ATP2B4: variants seen among roughly 807,000 people sequenced by gnomAD.
ATP2B4 encodes the protein plasma membrane calcium-transporting ATPase 4.
A neutral mutation model predicts 110.3 loss-of-function variants in ATP2B4; 39 were observed. The observed-to-expected ratio is 0.35, with a 90% CI of 0.27 to 0.46. The LOEUF (loss-of-function observed/expected upper bound fraction) is 0.46. Ranked by LOEUF, ATP2B4 falls within the 20% of genes least tolerant of loss-of-function variation. The pLI is 1.00. For synonymous variants in ATP2B4, 538 were observed against 571.7 expected, an observed-to-expected ratio of 0.94 and a Z score of 0.84; for missense variants, 1,135 against 1,530.9, an observed-to-expected ratio of 0.74 and a Z score of 4.32.
chr1:203,712,994 AC>A (rs1465699628), intron 13 of ATP2B4, among the ~76,000 whole-genome samples, 170 bp from the exon 14 acceptor site: 1 of 152,096 alleles, frequency 6.6e-6, no homozygotes, highest in Non-Finnish European at 1.5e-5. Context: ...CCATGAATCT[AC>A]CCTTGGAGAC....
At chr1:203,672,433 G>A (rs1017085680) in intron 1 of ATP2B4, among the ~76,000 whole-genome samples, 7 of 147,846 alleles carry the variant, frequency 4.7e-5, no homozygotes, top group African/African-American at 1.5e-4. Flanking sequence ...GTCATTACAG[G>A]CACATAAATA....
chr1:203,661,064 C>T (rs1025611255), intron 1 of ATP2B4, among the ~76,000 whole-genome samples: 4 of 151,624 alleles, frequency 2.6e-5, no homozygotes, highest in African/African-American at 7.3e-5. Context: ...GAGCTGAGAT[C>T]GCGCCACTGC....
At chr1:203,729,419 C>A (rs1233926943) in intron 20 of ATP2B4, among the ~76,000 whole-genome samples, 1 of 151,700 alleles carries the variant, frequency 6.6e-6, no homozygotes, top group Non-Finnish European at 1.5e-5. Flanking sequence ...GTGGTGGGCG[C>A]CTGTAATCCC....
chr1:203,707,038 A>G lies in ATP2B4; in HGVS notation c.1129A>G (p.Ile377Val). 1 of 1,613,984 alleles carries G rather than the reference A, an allele frequency of 6.2e-7. No homozygotes were observed. The highest frequency in any genetic ancestry group is 8.5e-7 in the Non-Finnish European group (1 of 1,179,964). ...GCTCATGTCTGCTCTCACGGTTTTC[A>G]TCCTGATTCTATACTTTGTGATTGA... ...GLLMSALTVF[I>V]LILYFVIDNF... Residue 377 changes from isoleucine (I) to valine (V), a missense_variant, in exon 9 of 21, where the codon ATC becomes GTC. Physicochemically the swap from Ile to Val is conservative, Grantham distance 29. This residue lies in a region of ATP2B4 where 162 missense variants were observed against 210.5 expected (regional missense o/e 0.77). Coordinates refer to ENST00000357681, the MANE Select transcript of ATP2B4 (RefSeq NM_001684.5).
intron 1 of ATP2B4, among the ~76,000 whole-genome samples, chr1:203,644,709 G>C (rs1393974263): frequency 6.6e-6 from 1 of 152,156 alleles, no homozygotes; most frequent in African/African-American, 2.4e-5. Context: ...CTGGGCTTCA[G>C]TGACAGAGAC....
chr1:203,657,336 C>A, intron 1 of ATP2B4: 1 of 745,964 alleles, frequency 1.3e-6, no homozygotes, highest in South Asian at 1.5e-5. Context: ...CTTTCCTGTT[C>A]AAACAACTTT....
At chr1:203,649,879 G>A (rs536596177) in intron 1 of ATP2B4, among the ~76,000 whole-genome samples, 38 of 152,306 alleles carry the variant, frequency 2.5e-4, no homozygotes, top group African/African-American at 8.9e-4. Flanking sequence ...TACCCGGCCA[G>A]GCATGTCACA....
chr1:203,721,427 G>A lies in ATP2B4; in HGVS notation c.2812+17G>A, dbSNP rs1169782308. The A allele has an allele frequency of 3.1e-6, 5 of 1,611,996 alleles. No individual in the cohort carries two copies. The highest frequency in any genetic ancestry group is 2.2e-5 in the South Asian group (2 of 91,028). ...TCTTTGCGGGTGAGCCACTTTGGGG[G>A]TGGGTAGCAGCTGGGGTCCTGGTTG... On this transcript the variant is annotated intron_variant, in intron 17 of 20. Coordinates refer to ENST00000357681, the MANE Select transcript of ATP2B4 (RefSeq NM_001684.5).
chr1:203,710,577 G>C (rs1665976277), intron 11 of ATP2B4, among the ~76,000 whole-genome samples: 1 of 152,178 alleles, frequency 6.6e-6, no homozygotes, highest in African/African-American at 2.4e-5. Flanking sequence ...AAGTCTCTCT[G>C]CCTTCAAGAA....
intron 1 of ATP2B4, among the ~76,000 whole-genome samples, chr1:203,636,998 T>G (rs1404956108): frequency 6.6e-6 from 1 of 152,168 alleles, no homozygotes; most frequent in African/African-American, 2.4e-5. Context: ...AATTAGGAAG[T>G]ACCTTCCAAG....
chr1:203,680,770 T>C (rs937009562), intron 1 of ATP2B4, among the ~76,000 whole-genome samples: 1 of 152,190 alleles, frequency 6.6e-6, no homozygotes, highest in African/African-American at 2.4e-5. Context: ...GGGCCCATTC[T>C]CTACCCAACT....
chr1:203,637,914 A>G (rs1185190460), intron 1 of ATP2B4, among the ~76,000 whole-genome samples: 1 of 152,212 alleles, frequency 6.6e-6, no homozygotes, highest in Non-Finnish European at 1.5e-5. Context: ...GTGGGATACA[A>G]GAGCGGGAAC....
At chr1:203,663,209 G>C (rs952188753) in intron 1 of ATP2B4, among the ~76,000 whole-genome samples, 1 of 152,170 alleles carries the variant, frequency 6.6e-6, no homozygotes, top group African/African-American at 2.4e-5. Flanking sequence ...TGGATGTGCT[G>C]TACTATAATC....
chr1:203,729,065 C>T (rs1375736161), intron 20 of ATP2B4, among the ~76,000 whole-genome samples: 2 of 151,578 alleles, frequency 1.3e-5, no homozygotes, highest in African/African-American at 4.9e-5. Flanking sequence ...TTGCAGTGAG[C>T]TGAGACCACA....
chr1:203,678,093 G>A (rs1025091926), intron 1 of ATP2B4, among the ~76,000 whole-genome samples: 2 of 152,154 alleles, frequency 1.3e-5, no homozygotes, highest in Non-Finnish European at 2.9e-5. Context: ...CTAGCCCCGG[G>A]CCCCTCCTGT....
chr1:203,666,107 A>G (rs1292757397), intron 1 of ATP2B4, among the ~76,000 whole-genome samples: 1 of 152,222 alleles, frequency 6.6e-6, no homozygotes, highest in Non-Finnish European at 1.5e-5. Flanking sequence ...ATTAACCTAC[A>G]GTGGTGCCAC....
intron 19 of ATP2B4, among the ~76,000 whole-genome samples, chr1:203,726,425 C>CT (rs71861339): frequency 0.061 from 8,922 of 145,100 alleles, 431 homozygotes; most frequent in South Asian, 0.11. Context: ...GTGAAGATTT[C>CT]TTTTTTTTTT....
At chr1:203,676,590 C>G (rs866450713) in intron 1 of ATP2B4, among the ~76,000 whole-genome samples, 10 of 152,276 alleles carry the variant, frequency 6.6e-5, no homozygotes, top group African/African-American at 2.4e-4. Flanking sequence ...TTAAACCCCC[C>G]AAGGTGGTGC....
chr1:203,739,419 T>G, intron 20 of ATP2B4, 127 bp from the exon 21 acceptor site: 1 of 926,290 alleles, frequency 1.1e-6, no homozygotes, highest in South Asian at 1.7e-5. Flanking sequence ...GTGTTTGGTT[T>G]TGATGCTGAG....
Sources: gnomAD v4.1 joint callset for allele counts (sites outside exome capture counted in the v4.1 genomes callset) on GRCh38, gnomAD v4.1.1 for gene constraint, gnomAD v4.1.1 regional missense constraint, MANE v1.5 for transcripts, NCBI Gene and HGNC (gene_info 2026-07-23, HGNC 2026-07-21) for gene names.